Variants in PRDM1 observed in about 807,000 individuals in gnomAD.
The protein encoded by PRDM1 is PR domain zinc finger protein 1.
A neutral mutation model predicts 62.8 loss-of-function variants in PRDM1; 13 were observed. That is an observed-to-expected ratio of 0.21 (90% confidence interval 0.13 to 0.33). The LOEUF (loss-of-function observed/expected upper bound fraction) is 0.33, where lower values mean the gene tolerates loss of function less well. Among genes scored for constraint, PRDM1 ranks in the 10% least tolerant of loss-of-function variants. The pLI, the probability that PRDM1 is intolerant of heterozygous loss-of-function variation, is 1.00. For missense variants in PRDM1, 895 were observed against 1,058.8 expected (o/e 0.85, Z 2.15); for synonymous variants, 396 against 417.6 (o/e 0.95, Z 0.63).
At chr6:106,085,255 C>T (rs1773769958), upstream of PRDM1, among the ~76,000 whole-genome samples, 1 of 151,892 alleles carries the variant, frequency 6.6e-6, no homozygotes, top group African/African-American at 2.4e-5. Context: ...AAAGACATTG[C>T]AGGTCGAAGG....
intron 1 of PRDM1, among the ~76,000 whole-genome samples, chr6:106,019,637 C>CTTTT (rs754946092): frequency 1.5e-5 from 2 of 132,928 alleles, no homozygotes; most frequent in Non-Finnish European, 3.3e-5. Context: ...TTTTTCTTTT[C>CTTTT]TTTTTTTTTT....
rs1774598021 is a variant in PRDM1 at position 106,108,885 on chromosome 6, C to A, written c.*1399C>A. The A allele has an allele frequency of 4.3e-6, 1 of 230,926 alleles. No homozygotes were observed. The highest frequency in any genetic ancestry group is 2.2e-5 in the African/African-American group (1 of 45,028). 14.3% of individuals were successfully genotyped at this position (230,926 alleles called of 1,614,324 possible). A position where few individuals can be genotyped will look rare whatever the true frequency, so the allele number is the denominator to read the frequency against. ...TGATTTGCTTCTCTAGAGGAGAAAC[C>A]GAGTAAATGTGCTCCAGCAAGATAG... On this transcript the variant is annotated 3_prime_UTR_variant, in exon 7 of 7. Coordinates refer to ENST00000369096, the MANE Select transcript of PRDM1 (RefSeq NM_001198.4).
At position 106,109,263 on chromosome 6, in the gene PRDM1, T is replaced by C. The variant is rs1250507586; in HGVS notation, c.*1777T>C. 1 of 232,372 alleles carries C rather than the reference T, an allele frequency of 4.3e-6. No homozygotes were observed. Among genetic ancestry groups the C allele is most frequent in the Admixed American group, 5.6e-5 (1 of 17,758 alleles). The allele number at this position is 232,372 out of a possible 1,614,324, so 14.4% of individuals were successfully genotyped here. On this transcript the variant is annotated 3_prime_UTR_variant, in exon 7 of 7. Transcript: ENST00000369096. ...AACCAGGGAGGAAGAGATACATCAT[T>C]TTTTAGTATTAAGGACCATCTAAGA...
chr6:106,073,050 G>C (rs897871610), intron 1 of PRDM1, among the ~76,000 whole-genome samples: 1 of 151,772 alleles, frequency 6.6e-6, no homozygotes, highest in African/African-American at 2.4e-5. Context: ...AAATTTGTTT[G>C]CCTGTGTGCA....
intron 1 of PRDM1, among the ~76,000 whole-genome samples, chr6:106,036,191 C>T (rs1772923531): frequency 1.3e-5 from 2 of 152,074 alleles, no homozygotes; most frequent in South Asian, 2.1e-4. Flanking sequence ...GTCTGTTACC[C>T]AGGCTGGGGT....
At chr6:106,053,489 T>C (rs945855794) in intron 1 of PRDM1, among the ~76,000 whole-genome samples, 3 of 152,170 alleles carry the variant, frequency 2.0e-5, no homozygotes, top group African/African-American at 7.2e-5. Flanking sequence ...TAGAAATACA[T>C]AAGTATTCTA....
chr6:106,104,399 T>TG (rs1162360322), intron 4 of PRDM1, among the ~76,000 whole-genome samples: 1 of 152,042 alleles, frequency 6.6e-6, no homozygotes, highest in Non-Finnish European at 1.5e-5. Flanking sequence ...TTAGTAGAGA[T>TG]GGGGTTTCTC....
chr6:106,071,341 A>G (rs890166884), intron 1 of PRDM1, among the ~76,000 whole-genome samples: 1 of 152,112 alleles, frequency 6.6e-6, no homozygotes, highest in Non-Finnish European at 1.5e-5. Context: ...AATTATATGT[A>G]TATGTTATAT....
intron 1 of PRDM1, among the ~76,000 whole-genome samples, chr6:106,004,680 A>G (rs973731327): frequency 7.9e-5 from 12 of 152,194 alleles, no homozygotes; most frequent in Admixed American, 7.2e-4. Flanking sequence ...GCGGGATAGT[A>G]ATGGTGATAA....
At chr6:106,104,205 G>GT (rs11317538) in intron 4 of PRDM1, among the ~76,000 whole-genome samples, 7,803 of 141,784 alleles carry the variant, frequency 0.055, 244 homozygotes, top group African/African-American at 0.096. Context: ...TAAAATGGAA[G>GT]TTTTTTTTTT....
rs1772665859 is a variant in PRDM1, at chr6:106,019,440, T to C, written c.-67+25801T>C. ...GAGTTTATAGCTTTTTTCTTCTCCC[T>C]ATAATTAAAAAAAAAATAGAACTGA... is the stretch of plus-strand genomic sequence containing the variant. On this transcript the variant is annotated intron_variant, in intron 1 of 6. Coordinates refer to the PRDM1 transcript ENST00000652320. 2.0e-5 allele frequency among the ~76,000 whole-genome samples: 3 copies of C among 151,182 alleles called. No homozygotes were observed. The Middle Eastern group carries it at 0.01, about 521-fold the overall frequency.
chr6:106,075,146 T>G (rs1443139350), intron 1 of PRDM1, among the ~76,000 whole-genome samples: 1 of 152,186 alleles, frequency 6.6e-6, no homozygotes, highest in Non-Finnish European at 1.5e-5. Context: ...ACAACTTGAT[T>G]TGTGTTATCA....
At chr6:106,047,704 T>C (rs1773103077), upstream of PRDM1, among the ~76,000 whole-genome samples, 1 of 152,188 alleles carries the variant, frequency 6.6e-6, no homozygotes, top group South Asian at 2.1e-4. Context: ...ACTAAAACTT[T>C]AGTAAGAAAG....
chr6:106,018,833 AC>A (rs1194390077), intron 1 of PRDM1, among the ~76,000 whole-genome samples: 1 of 151,962 alleles, frequency 6.6e-6, no homozygotes, highest in Non-Finnish European at 1.5e-5. Flanking sequence ...GAAAAAAATG[AC>A]CCATTTTTTC....
upstream of PRDM1, among the ~76,000 whole-genome samples, chr6:106,085,606 C>A (rs1215010727): frequency 6.6e-6 from 1 of 152,134 alleles, no homozygotes; most frequent in East Asian, 1.9e-4. Flanking sequence ...ATTACTGCCT[C>A]CGACCGCTTT....
intron 2 of PRDM1, among the ~76,000 whole-genome samples, chr6:106,089,595 TC>T (rs1773906944): frequency 6.6e-6 from 1 of 152,166 alleles, no homozygotes; most frequent in Admixed American, 6.5e-5. Context: ...CTTTCTTTTT[TC>T]CCCCACTGCT....
At chr6:106,014,950 A>G (rs1030189007) in intron 1 of PRDM1, among the ~76,000 whole-genome samples, 2 of 152,198 alleles carry the variant, frequency 1.3e-5, no homozygotes, top group African/African-American at 4.8e-5. Flanking sequence ...ACACAGGGAC[A>G]TAATAAGTTC....
intron 1 of PRDM1, among the ~76,000 whole-genome samples, chr6:106,020,895 C>A (rs534876820): frequency 1.3e-5 from 2 of 152,198 alleles, no homozygotes; most frequent in Non-Finnish European, 2.9e-5. Flanking sequence ...AGCAGGCCAG[C>A]CTAGAGTGCC....
In PRDM1 at chr6:106,088,467, T is replaced by G. The variant is rs751651935; in HGVS notation, c.291+18T>G. On this transcript the variant is annotated intron_variant, in intron 2 of 6. Coordinates refer to ENST00000369096, the MANE Select transcript of PRDM1 (RefSeq NM_001198.4). ...GTGAAGAGGTAAGCCTCTGGTTTAT[T>G]GACAAGAAGATTGGGGACCTGGTGC... The G allele has an allele frequency of 1.9e-6, 3 of 1,613,820 alleles. No homozygotes were observed. Among genetic ancestry groups the G allele is most frequent in the Admixed American group, 3.3e-5 (2 of 59,988 alleles).
Sources: allele counts gnomAD v4.1 joint callset (sites outside exome capture counted in the v4.1 genomes callset), GRCh38; gene constraint gnomAD v4.1.1; transcripts MANE v1.5; gene names NCBI Gene and HGNC (gene_info 2026-07-23, HGNC 2026-07-21).